Variants in TMEM132D observed in about 807,000 individuals in gnomAD.
TMEM132D encodes the protein mature OL transmembrane protein.
In TMEM132D, 21 loss-of-function variants were observed where a neutral mutation model predicts 62.3. The observed-to-expected ratio is 0.34, with a 90% CI of 0.24 to 0.49. TMEM132D has a LOEUF of 0.49. Ranked by LOEUF, TMEM132D falls within the 20% of genes least tolerant of loss-of-function variation. The probability of loss-of-function intolerance (pLI) is 0.99; values close to 1 mark genes in which losing one functional copy is unlikely to be tolerated. For missense variants in TMEM132D, 1,346 were observed against 1,402.8 expected (o/e 0.96, Z 0.65); for synonymous variants, 621 against 575.6 (o/e 1.08, Z -1.13).
chr12:129,304,511 T>C (rs990649061), intron 4 of TMEM132D, among the ~76,000 whole-genome samples: 2 of 152,050 alleles, frequency 1.3e-5, no homozygotes, highest in African/African-American at 4.8e-5. Context: ...GTCCACATCA[T>C]GGCCTGAACA....
chr12:129,641,839 A>T (rs1879647719), intron 2 of TMEM132D, among the ~76,000 whole-genome samples: 1 of 152,130 alleles, frequency 6.6e-6, no homozygotes, highest in Non-Finnish European at 1.5e-5. Context: ...CACAATGACA[A>T]GTCCTGCAGC....
At chr12:129,290,129 A>AT (rs1881410050) in intron 4 of TMEM132D, among the ~76,000 whole-genome samples, 1 of 152,210 alleles carries the variant, frequency 6.6e-6, no homozygotes, top group Admixed American at 6.5e-5. Flanking sequence ...GAACTCTACT[A>AT]TTTTTGAGAC....
intron 3 of TMEM132D, among the ~76,000 whole-genome samples, chr12:129,361,915 T>C (rs927323074): frequency 2.6e-5 from 4 of 152,226 alleles, no homozygotes; most frequent in Non-Finnish European, 5.9e-5. Context: ...AAGCTCAAGA[T>C]AAGCCTTTTA....
intron 2 of TMEM132D, among the ~76,000 whole-genome samples, chr12:129,560,164 T>G (rs1459829194): frequency 6.6e-6 from 1 of 152,186 alleles, no homozygotes; most frequent in Non-Finnish European, 1.5e-5. Flanking sequence ...AAGCAAGACA[T>G]CCAGGGGTCT....
intron 3 of TMEM132D, among the ~76,000 whole-genome samples, chr12:129,473,578 G>A (rs915669189): frequency 1.3e-5 from 2 of 152,050 alleles, no homozygotes; most frequent in African/African-American, 2.4e-5. Flanking sequence ...TGATCTGCCC[G>A]CCTCGGCCTC....
chr12:129,401,578 GAAAAGA>G (rs1871623459), intron 3 of TMEM132D, among the ~76,000 whole-genome samples: 1 of 151,846 alleles, frequency 6.6e-6, no homozygotes, highest in African/African-American at 2.4e-5. Flanking sequence ...TAAAAAAAAA[GAAAAGA>G]AAAAGAAAAA....
In TMEM132D at chr12:129,087,712, A is replaced by C. The variant is rs12300752; in HGVS notation, c.1444-3010T>G. On this transcript the variant is annotated intron_variant, in intron 5 of 8. Transcript: ENST00000422113. ...ATGTCGGCCCAGTGGAGCTGATTTC[A>C]GACTTTCGGCCTTCAGAACTGGAAG... Among the ~76,000 whole-genome samples the C allele has an allele frequency of 6.2e-3, 941 of 152,316 alleles. 14 individuals are homozygous for C. The highest frequency in any genetic ancestry group is 0.022 in the African/African-American group (899 of 41,556).
chr12:129,210,353 T>C (rs1879001477), intron 4 of TMEM132D: 1 of 152,324 alleles, frequency 6.6e-6, no homozygotes, highest in African/African-American at 2.4e-5. Context: ...TTCAATTTTC[T>C]AGGCTTTTAT....
At chr12:129,874,708 T>TC (rs929276596) in intron 1 of TMEM132D, among the ~76,000 whole-genome samples, 7 of 147,852 alleles carry the variant, frequency 4.7e-5, no homozygotes, top group African/African-American at 1.5e-4. Context: ...TTCTTTTTTT[T>TC]TTTTTTTTTT....
chr12:129,535,975 A>G (rs866818728), intron 2 of TMEM132D, among the ~76,000 whole-genome samples: 10 of 152,188 alleles, frequency 6.6e-5, no homozygotes, highest in African/African-American at 2.4e-4. Context: ...AGAAACTATT[A>G]TTGGCTAATC....
chr12:129,316,032 CTCT>C (rs1868479347), intron 4 of TMEM132D, among the ~76,000 whole-genome samples: 1 of 152,102 alleles, frequency 6.6e-6, no homozygotes, highest in Non-Finnish European at 1.5e-5. Flanking sequence ...TTTCTCGCTT[CTCT>C]TCTTGGTTAA....
chr12:129,073,901 TG>T lies in TMEM132D; in HGVS notation c.3273del (p.Tyr1091Ter). ...TACACATTTTCATGTAACCTCTCCA[TG>T]TAGTTGTGCAGCTCTTTGCAGTCCC... The part of the protein sequence containing the change: ...DPGDCKELHN[Y>X]MERLHENV On this transcript the variant is annotated frameshift_variant, in exon 9 of 9. Transcript: ENST00000422113. LOFTEE classifies it high-confidence loss of function. 6.4e-7 allele frequency: 1 copy of T among 1,555,150 alleles called. No homozygotes were observed. The highest frequency in any genetic ancestry group is 1.7e-4 in the Middle Eastern group (1 of 5,782).
At chr12:129,602,248 T>C (rs1878500971) in intron 2 of TMEM132D, among the ~76,000 whole-genome samples, 1 of 152,188 alleles carries the variant, frequency 6.6e-6, no homozygotes, top group Admixed American at 6.6e-5. Flanking sequence ...AGGCTAAGAA[T>C]GTGCAGACAC....
chr12:129,514,065 C>T (rs12297592), intron 3 of TMEM132D, among the ~76,000 whole-genome samples: 33,902 of 146,246 alleles, frequency 0.23, 4,055 homozygotes, highest in East Asian at 0.35. Flanking sequence ...GGTCTCGATC[C>T]CCTGACCTTG....
chr12:129,132,984 T>C (rs754672742), intron 5 of TMEM132D, among the ~76,000 whole-genome samples: 30 of 152,152 alleles, frequency 2.0e-4, no homozygotes, highest in Non-Finnish European at 3.8e-4. Context: ...GATGGCTCTC[T>C]CCTCTGATGT....
At chr12:129,711,499 G>T (rs981634249) in intron 1 of TMEM132D, among the ~76,000 whole-genome samples, 7 of 152,182 alleles carry the variant, frequency 4.6e-5, no homozygotes, top group African/African-American at 1.4e-4. Flanking sequence ...GCCATGGCGG[G>T]TGGATCACCT....
At chr12:129,559,721 G>A (rs1877161721) in intron 2 of TMEM132D, among the ~76,000 whole-genome samples, 2 of 152,088 alleles carry the variant, frequency 1.3e-5, no homozygotes, top group Non-Finnish European at 1.5e-5. Flanking sequence ...CTCTATGCTG[G>A]AATACAATCC....
intron 3 of TMEM132D, among the ~76,000 whole-genome samples, chr12:129,496,397 G>T (rs1275075613): frequency 2.6e-5 from 4 of 152,098 alleles, no homozygotes; most frequent in Non-Finnish European, 5.9e-5. Context: ...TGACAAGGCT[G>T]GCTTGGTGAA....
intron 5 of TMEM132D, among the ~76,000 whole-genome samples, chr12:129,161,994 T>G (rs1039802069): frequency 3.3e-5 from 5 of 152,200 alleles, no homozygotes; most frequent in Non-Finnish European, 5.9e-5. Context: ...GACAATTTTG[T>G]TGGGAAACAT....
Sources: gnomAD v4.1 joint callset for allele counts (sites outside exome capture counted in the v4.1 genomes callset) on GRCh38, gnomAD v4.1.1 for gene constraint, MANE v1.5 for transcripts, NCBI Gene and HGNC (gene_info 2026-07-23, HGNC 2026-07-21) for gene names.